The following RETREG2 variants were observed in gnomAD, a reference collection of about 807,000 sequenced individuals.
The protein encoded by RETREG2 is reticulophagy regulator family member 2.
In RETREG2, 21 loss-of-function variants were observed where a neutral mutation model predicts 51.6. The ratio of observed to expected loss-of-function variants is 0.41; its 90% CI spans 0.29 to 0.59. The LOEUF (loss-of-function observed/expected upper bound fraction) is 0.59. Ranked by LOEUF, RETREG2 falls within the 20% of genes least tolerant of loss-of-function variation. RETREG2 has a pLI of 0.34. For missense variants in RETREG2, 674 were observed against 646.0 expected, an observed-to-expected ratio of 1.04 and a Z score of -0.47; for synonymous variants, 339 against 288.6, an observed-to-expected ratio of 1.17 and a Z score of -1.77.
chr2:219,178,807 GC>G, intron 1 of RETREG2, 114 bp from the exon 2 acceptor site: 1 of 1,107,144 alleles, frequency 9.0e-7, no homozygotes, highest in Non-Finnish European at 1.3e-6. Flanking sequence ...GTCGTGAGTC[GC>G]GAGTTAGGCC....
In RETREG2 at chr2:219,182,251, C is replaced by A; in HGVS notation, c.1254C>A (p.Pro418=). The change falls in exon 9 of 9, where the codon CCC becomes CCA. Residue 418 remains proline (P), a synonymous_variant. Coordinates refer to ENST00000430297, the MANE Select transcript of RETREG2 (RefSeq NM_024293.6). ...VNTHFNGAGS[P]PDGVKCSPGG... ...CGCACTTCAATGGGGCAGGGTCCCC[C>A]CCAGATGGAGTGAAATGCTCCCCTG... 6.2e-7 allele frequency: 1 copy of A among 1,614,136 alleles called. No individual in the cohort carries two copies. Among genetic ancestry groups the A allele is most frequent in the Non-Finnish European group, 8.5e-7 (1 of 1,180,014 alleles).
chr2:219,180,619 C>T (rs112513739), intron 4 of RETREG2, 51 bp from the exon 5 acceptor site: 90 of 1,613,374 alleles, frequency 5.6e-5, no homozygotes, highest in African/African-American at 4.3e-4. Context: ...CCCAGCCGAG[C>T]GGGGCGCATA....
intron 2 of RETREG2, 127 bp from the exon 3 acceptor site, chr2:219,179,606 C>G (rs1950246727): frequency 2.4e-6 from 2 of 828,006 alleles, no homozygotes; most frequent in Non-Finnish European, 4.1e-6. Context: ...AAACATGTAA[C>G]AGCTCCCCCA....
At chr2:219,178,748 T>C (rs1227047504) in intron 1 of RETREG2, 115 bp downstream of exon 1, 3 of 1,274,944 alleles carry the variant, frequency 2.4e-6, no homozygotes, top group African/African-American at 3.0e-5. Context: ...CATCCCCAGT[T>C]TTTGCAGGCT....
rs1028142642 is a variant in RETREG2 at position 219,184,374 on chromosome 2, C to G, written c.*1745C>G. The G allele has an allele frequency of 6.6e-6, 1 of 152,052 alleles. No homozygotes were observed. Among genetic ancestry groups the G allele is most frequent in the Non-Finnish European group, 1.5e-5 (1 of 68,000 alleles). The allele number at this position is 152,052 out of a possible 1,614,324, so 9.4% of individuals were successfully genotyped here. On this transcript the variant is annotated 3_prime_UTR_variant, in exon 9 of 9. Coordinates refer to ENST00000430297, the MANE Select transcript of RETREG2 (RefSeq NM_024293.6). ...TATGGCGATGCTACCTGTCTTTCTGCTGGAGGTACCATATGGTAATGCTGC... is the reference window on the plus strand; with the variant it reads ...TATGGCGATGCTACCTGTCTTTCTGGTGGAGGTACCATATGGTAATGCTGC...
In RETREG2 at chr2:219,181,121, A is replaced by G. The variant is rs954182183; in HGVS notation, c.700A>G (p.Thr234Ala). ...VYHELIQRMY[T>A]RLEPLLMQLD... ...TCATGAGCTGATCCAGAGGATGTAC[A>G]CTCGCCTGGAGCCCCTGCTCATGCA... Residue 234 changes from threonine to alanine, a missense_variant, in exon 6 of 9, where the codon ACT (threonine) becomes GCT (alanine). Thr to Ala is a moderately conservative substitution (Grantham distance 58). Transcript: ENST00000430297. The G allele has an allele frequency of 9.9e-6, 16 of 1,614,072 alleles. No homozygotes were observed. Among genetic ancestry groups the G allele is most frequent in the Admixed American group, 1.7e-5 (1 of 60,006 alleles).
At chr2:219,181,891 C>T in intron 8 of RETREG2, 116 bp downstream of exon 8, 4 of 1,555,984 alleles carry the variant, frequency 2.6e-6, no homozygotes, top group Non-Finnish European at 3.5e-6. Context: ...TCCTAAAAGA[C>T]CTTAACACCT....
chr2:219,179,007 C>G lies in RETREG2; in HGVS notation c.367C>G (p.Arg123Gly). 1.9e-6 allele frequency: 3 copies of G among 1,612,478 alleles called. No individual in the cohort carries two copies. In the South Asian group the frequency reaches 3.3e-5, roughly 18 times the overall value. Reference sequence around the variant, plus strand: ...TTTTCTGCTGGATCTCTGGCAGCCTCGCTTTCTCCCTGACGTTTCAGGTGA... The same window carrying G: ...TTTTCTGCTGGATCTCTGGCAGCCTGGCTTTCTCCCTGACGTTTCAGGTGA... ...AYFLLDLWQP[R>G]FLPDVSASSP... The change falls in exon 2 of 9, where the codon CGC becomes GGC. Residue 123 changes from arginine to glycine, a missense_variant. Arg to Gly is a moderately radical substitution (Grantham distance 125, BLOSUM62 -2). Coordinates refer to ENST00000430297, the MANE Select transcript of RETREG2 (RefSeq NM_024293.6).
At position 219,184,362 on chromosome 2, in the gene RETREG2, CCTGT is replaced by C. The variant is rs1286113501; in HGVS notation, c.*1736_*1739del. 1.3e-5 allele frequency: 2 copies of C among 152,196 alleles called. No homozygotes were observed. The highest frequency in any genetic ancestry group is 2.4e-5 in the African/African-American group (1 of 41,448). The allele number at this position is 152,196 out of a possible 1,614,324, so 9.4% of individuals were successfully genotyped here. ...CTGGAGGTACCATATGGCGATGCTA[CCTGT>C]CTTTCTGCTGGAGGTACCATATGGT... On this transcript the variant is annotated 3_prime_UTR_variant, in exon 9 of 9. Transcript: ENST00000430297.
chr2:219,181,619 T>C (rs371749882), intron 7 of RETREG2, 21 bp from the exon 8 acceptor site: 2 of 1,613,314 alleles, frequency 1.2e-6, no homozygotes, highest in Non-Finnish European at 1.7e-6. Context: ...CATGTCGTGT[T>C]CATCCTGGTT....
At chr2:219,179,086 G>A (rs1415989146) in intron 2 of RETREG2, 58 bp downstream of exon 2, 4 of 1,307,550 alleles carry the variant, frequency 3.1e-6, no homozygotes, top group Non-Finnish European at 4.4e-6. Context: ...GCCTGATTCC[G>A]CTGGGTGGGG....
At chr2:219,179,553 A>C (rs78862042) in intron 2 of RETREG2, among the ~76,000 whole-genome samples, 180 bp from the exon 3 acceptor site, 5,268 of 152,256 alleles carry the variant, frequency 0.035, 123 homozygotes, top group Non-Finnish European at 0.054. Flanking sequence ...TCTAGTTCTT[A>C]TGTTGGAGAA....
intron 8 of RETREG2, 45 bp downstream of exon 8, chr2:219,181,820 T>C (rs981464527): frequency 6.2e-7 from 1 of 1,604,404 alleles, no homozygotes; most frequent in African/African-American, 1.3e-5. Context: ...ACAATCTTTG[T>C]GTTCCCTACC....
rs1315476993 is a variant in RETREG2 at position 219,182,908 on chromosome 2, T to C, written c.*279T>C. 1 of 480,452 alleles carries C rather than the reference T, an allele frequency of 2.1e-6. No homozygotes were observed. Among genetic ancestry groups the C allele is most frequent in the African/African-American group, 1.9e-5 (1 of 51,796 alleles). 29.8% of individuals were successfully genotyped at this position (480,452 alleles called of 1,614,324 possible). ...GTCCTTCCCACAGCCTGCGCTTGCC[T>C]CCCTGCCTCATCTCTATTCTCATTC... On this transcript the variant is annotated 3_prime_UTR_variant, in exon 9 of 9. Transcript: ENST00000430297.
rs369326253 is a variant in RETREG2, at chr2:219,180,253, C to A, written c.555+8C>A. The A allele has an allele frequency of 3.1e-6, 5 of 1,614,040 alleles. No homozygotes were observed. The highest frequency in any genetic ancestry group is 4.2e-6 in the Non-Finnish European group (5 of 1,180,014). On this transcript the variant is annotated splice_region_variant and intron_variant, in intron 4 of 8. Coordinates refer to ENST00000430297, the MANE Select transcript of RETREG2 (RefSeq NM_024293.6). The stretch of plus-strand genomic sequence containing the variant: ...AGGCAGAATCCAGCTCAGGTAACCT[C>A]CCCTACATCATACAACAGTTCACTA...
At chr2:219,178,705 T>C in intron 1 of RETREG2, 72 bp downstream of exon 1, 1 of 1,391,398 alleles carries the variant, frequency 7.2e-7, no homozygotes, top group Non-Finnish European at 9.4e-7. Context: ...CCATTCCCCT[T>C]TCTGGGTTAT....
rs1293224613 is a variant in RETREG2, at chr2:219,181,159, C to T, written c.738C>T (p.Ser246=). 6.2e-7 allele frequency: 1 copy of T among 1,614,132 alleles called. No homozygotes were observed. Among genetic ancestry groups the T allele is most frequent in the Non-Finnish European group, 8.5e-7 (1 of 1,180,028 alleles). ...CCCTGCTCATGCAGCTGGACTACAG[C>T]ATGAAGGCAGAAGCCAATGCCCTGC... ...LEPLLMQLDY[S]MKAEANALHH... is the part of the protein sequence containing the mutation. Residue 246 remains serine, a synonymous_variant, in exon 6 of 9, where the codon AGC becomes AGT. Coordinates refer to ENST00000430297, the MANE Select transcript of RETREG2 (RefSeq NM_024293.6).
At position 219,179,759 on chromosome 2, in the gene RETREG2, G is replaced by A; in HGVS notation, c.415G>A (p.Asp139Asn). Reference sequence around the variant, plus strand: ...ATCATCCCCAGAGGAGCCACACTCTGACAGGTGAGTACAGGCCACCTCTTG... The same window carrying A: ...ATCATCCCCAGAGGAGCCACACTCTAACAGGTGAGTACAGGCCACCTCTTG... ...SASSPEEPHS[D>N]SEGAGSGARP... The change falls in exon 3 of 9, where the codon GAC (aspartate) becomes AAC (asparagine). Residue 139 changes from aspartate (D) to asparagine (N), a missense_variant. Asp to Asn is a conservative substitution (Grantham distance 23). Coordinates refer to ENST00000430297, the MANE Select transcript of RETREG2 (RefSeq NM_024293.6). The A allele has an allele frequency of 6.2e-7, 1 of 1,614,084 alleles. No individual in the cohort carries two copies. Among genetic ancestry groups the A allele is most frequent in the Non-Finnish European group, 8.5e-7 (1 of 1,179,964 alleles).
Position 219,178,640 on chromosome 2 carries a change from G to A in RETREG2, c.281+7G>A. 1.4e-6 allele frequency: 2 copies of A among 1,442,626 alleles called. No individual in the cohort carries two copies. The highest frequency in any genetic ancestry group is 9.0e-7 in the Non-Finnish European group (1 of 1,108,928). 89.4% of individuals were successfully genotyped at this position (1,442,626 alleles called of 1,614,324 possible). On this transcript the variant is annotated splice_region_variant and intron_variant, in intron 1 of 8. Coordinates refer to ENST00000430297, the MANE Select transcript of RETREG2 (RefSeq NM_024293.6). ...CGCTCAACGGCCTCTTCTGGTAACG[G>A]CCGCGGAGGAGGGGGCGGGGCCGGG...
Sources: allele counts gnomAD v4.1 joint callset (sites outside exome capture counted in the v4.1 genomes callset), GRCh38; gene constraint gnomAD v4.1.1; transcripts MANE v1.5; gene names NCBI Gene and HGNC (gene_info 2026-07-23, HGNC 2026-07-21).